The following LEKR1 variants were observed in gnomAD, a reference collection of about 807,000 sequenced individuals.
LEKR1 encodes leucine, glutamate and lysine rich 1.
In LEKR1, 59 loss-of-function variants were observed where a neutral mutation model predicts 72.4. That is an observed-to-expected ratio of 0.82 (90% CI 0.66 to 1.01). The LOEUF (loss-of-function observed/expected upper bound fraction) is 1.01, where lower values mean the gene tolerates loss of function less well. Among genes scored for constraint, LEKR1 ranks in the 50% least tolerant of loss-of-function variants. The pLI is 0.00. For missense variants in LEKR1, 728 were observed against 759.2 expected, an observed-to-expected ratio of 0.96 and a Z score of 0.48; for synonymous variants, 257 against 263.2, an observed-to-expected ratio of 0.98 and a Z score of 0.23.
intron 7 of LEKR1, among the ~76,000 whole-genome samples, chr3:156,980,981 T>A (rs1730146865): frequency 6.6e-6 from 1 of 152,174 alleles, no homozygotes; most frequent in Non-Finnish European, 1.5e-5. Context: ...TCCTATAAGA[T>A]TATAATACCG....
intron 2 of LEKR1, among the ~76,000 whole-genome samples, chr3:156,849,080 T>A (rs1283960646): frequency 1.3e-5 from 2 of 152,082 alleles, no homozygotes; most frequent in Non-Finnish European, 2.9e-5. Flanking sequence ...AAAATCAATG[T>A]GCAAAAATCA....
chr3:156,920,338 C>G (rs1259439036), intron 3 of LEKR1, among the ~76,000 whole-genome samples: 1 of 152,052 alleles, frequency 6.6e-6, no homozygotes, highest in African/African-American at 2.4e-5. Flanking sequence ...ATAAAAAGTT[C>G]TGCCTCTCTT....
intron 9 of LEKR1, among the ~76,000 whole-genome samples, chr3:156,999,848 G>A (rs891139433): frequency 1.3e-5 from 2 of 152,160 alleles, no homozygotes; most frequent in East Asian, 1.9e-4. Flanking sequence ...TGGAGATGAG[G>A]ACATTAACGT....
At chr3:156,867,807 A>G (rs541859457) in intron 3 of LEKR1, among the ~76,000 whole-genome samples, 5 of 152,196 alleles carry the variant, frequency 3.3e-5, no homozygotes, top group South Asian at 4.1e-4. Context: ...AGGATCTTGC[A>G]TAATGGTAGG....
At chr3:156,931,422 A>G (rs1242832750) in intron 5 of LEKR1, among the ~76,000 whole-genome samples, 1 of 152,188 alleles carries the variant, frequency 6.6e-6, no homozygotes, top group East Asian at 1.9e-4. Context: ...AGCCACTTAG[A>G]GAAAATATCT....
At chr3:156,988,891 G>A (rs1241660140) in intron 7 of LEKR1, among the ~76,000 whole-genome samples, 2 of 152,124 alleles carry the variant, frequency 1.3e-5, no homozygotes, top group Non-Finnish European at 2.9e-5. Flanking sequence ...GAGTGCAATG[G>A]TGCGATCTCG....
intron 5 of LEKR1, among the ~76,000 whole-genome samples, chr3:156,939,068 A>G (rs1273696539): frequency 6.6e-6 from 1 of 152,342 alleles, no homozygotes; most frequent in East Asian, 1.9e-4. Flanking sequence ...AATAACAAAT[A>G]TTCTAAAATA....
intron 5 of LEKR1, among the ~76,000 whole-genome samples, chr3:156,932,208 T>C (rs1282520970): frequency 6.6e-6 from 1 of 152,186 alleles, no homozygotes; most frequent in Non-Finnish European, 1.5e-5. Context: ...TATACAATAA[T>C]TTTAACTTCT....
intron 7 of LEKR1, among the ~76,000 whole-genome samples, chr3:156,989,857 A>T (rs549563349): frequency 9.2e-5 from 14 of 151,582 alleles, no homozygotes; most frequent in Admixed American, 2.0e-4. Flanking sequence ...ACACACACAA[A>T]TTTTTTTCCT....
At chr3:157,021,454 G>T (rs953184132) in intron 10 of LEKR1, among the ~76,000 whole-genome samples, 4 of 152,028 alleles carry the variant, frequency 2.6e-5, no homozygotes, top group Non-Finnish European at 5.9e-5. Context: ...ATTAATTTTT[G>T]TATAAGGTGT....
intron 3 of LEKR1, among the ~76,000 whole-genome samples, chr3:156,875,870 C>T (rs1718491087): frequency 2.0e-5 from 3 of 151,782 alleles, no homozygotes; most frequent in Admixed American, 2.0e-4. Flanking sequence ...TGGCGGGTGC[C>T]TGTAGTCCCA....
At chr3:156,967,078 G>A (rs937171164) in intron 6 of LEKR1, among the ~76,000 whole-genome samples, 3 of 152,188 alleles carry the variant, frequency 2.0e-5, no homozygotes, top group African/African-American at 7.2e-5. Context: ...CTGACTGTTA[G>A]AAGGAAAACT....
intron 12 of LEKR1, among the ~76,000 whole-genome samples, 165 bp downstream of exon 12, chr3:157,028,567 C>T (rs906663586): frequency 2.0e-5 from 3 of 152,200 alleles, no homozygotes; most frequent in Non-Finnish European, 4.4e-5. Flanking sequence ...CATCCTGGTG[C>T]TCTGTCCTTA....
chr3:157,017,962 A>AGAAAAG (rs780711656), intron 10 of LEKR1, among the ~76,000 whole-genome samples: 2 of 134,236 alleles, frequency 1.5e-5, no homozygotes, highest in Non-Finnish European at 3.1e-5. Context: ...AAAAAAAAAA[A>AGAAAAG]AAAAAAAAAA....
chr3:157,025,717 A>G (rs908434921), intron 11 of LEKR1, among the ~76,000 whole-genome samples: 2 of 152,178 alleles, frequency 1.3e-5, no homozygotes, highest in African/African-American at 2.4e-5. Context: ...TGCTTTGCAG[A>G]TACTACCTTG....
chr3:156,879,211 CA>C (rs1004922302), intron 3 of LEKR1, among the ~76,000 whole-genome samples: 1 of 152,064 alleles, frequency 6.6e-6, no homozygotes, highest in Non-Finnish European at 1.5e-5. Flanking sequence ...TGGCTTTGAC[CA>C]AAATCCTGAT....
chr3:156,888,356 G>A (rs576407098), intron 3 of LEKR1: 23 of 702,016 alleles, frequency 3.3e-5, no homozygotes, highest in East Asian at 5.4e-5. Context: ...CTGAAAGAAC[G>A]AATGCCAGAT....
chr3:156,889,164 C>T (rs1300320656), intron 3 of LEKR1, among the ~76,000 whole-genome samples: 1 of 152,004 alleles, frequency 6.6e-6, no homozygotes, highest in Non-Finnish European at 1.5e-5. Context: ...TCATTTTACT[C>T]TGTAATATTT....
chr3:156,998,585 G>T (rs1033051161), intron 9 of LEKR1, among the ~76,000 whole-genome samples: 1 of 152,080 alleles, frequency 6.6e-6, no homozygotes, highest in Admixed American at 6.5e-5. Flanking sequence ...TAGAGGAAAA[G>T]CTTAATCGTA....
Sources: allele counts gnomAD v4.1 joint callset (sites outside exome capture counted in the v4.1 genomes callset), GRCh38; gene constraint gnomAD v4.1.1; transcripts MANE v1.5; gene names NCBI Gene and HGNC (gene_info 2026-07-23, HGNC 2026-07-21).